Variants in ATL1 observed in about 807,000 individuals in gnomAD.
The protein encoded by ATL1 is atlastin-1.
ATL1 carries 31 observed loss-of-function variants against 75.5 expected under a neutral mutation model. That is an observed-to-expected ratio of 0.41 (90% confidence interval 0.31 to 0.55). The LOEUF is 0.55. Ranked by LOEUF, ATL1 falls within the 20% of genes least tolerant of loss-of-function variation. ATL1 has a pLI of 0.27. For missense variants in ATL1, 405 were observed against 662.6 expected (o/e 0.61, Z 4.27); for synonymous variants, 226 against 233.3 (o/e 0.97, Z 0.28).
At chr14:50,537,643 G>A (rs2140141538) in intron 1 of ATL1, among the ~76,000 whole-genome samples, 1 of 152,346 alleles carries the variant, frequency 6.6e-6, no homozygotes, top group South Asian at 2.1e-4. Flanking sequence ...AGCTGCCCAA[G>A]ACCATGGGAA....
chr14:50,588,527 C>T (rs992279139), intron 2 of ATL1, among the ~76,000 whole-genome samples: 1 of 152,176 alleles, frequency 6.6e-6, no homozygotes, highest in Non-Finnish European at 1.5e-5. Context: ...CCTGCTTTAT[C>T]ACTTATGACT....
chr14:50,597,226 A>AAAAAAAAAAG (rs1487140785), intron 6 of ATL1, among the ~76,000 whole-genome samples: 1 of 150,506 alleles, frequency 6.6e-6, no homozygotes, highest in Non-Finnish European at 1.5e-5. Flanking sequence ...CAAACAAAAA[A>AAAAAAAAAAG]AAAAAAAGAA....
intron 5 of ATL1, 48 bp downstream of exon 5, chr14:50,593,944 A>G: frequency 1.5e-6 from 2 of 1,330,454 alleles, no homozygotes; most frequent in Non-Finnish European, 2.2e-6. Flanking sequence ...TCTTTGAAAC[A>G]TGTATAGCAG....
At chr14:50,625,693 AG>A (rs1201666161) in intron 11 of ATL1, among the ~76,000 whole-genome samples, 3 of 152,134 alleles carry the variant, frequency 2.0e-5, no homozygotes, top group Non-Finnish European at 4.4e-5. Flanking sequence ...TGGGAGGCCG[AG>A]GTGGGTGGAT....
chr14:50,607,065 TC>T (rs1336264478), intron 6 of ATL1, among the ~76,000 whole-genome samples: 1 of 151,932 alleles, frequency 6.6e-6, no homozygotes, highest in African/African-American at 2.4e-5. Flanking sequence ...CAACAAGAGC[TC>T]AATGAAGCAA....
At chr14:50,625,707 C>T (rs762634033) in intron 11 of ATL1, among the ~76,000 whole-genome samples, 9 of 151,974 alleles carry the variant, frequency 5.9e-5, no homozygotes, top group Non-Finnish European at 1.2e-4. Flanking sequence ...GGGTGGATCA[C>T]GAGGTCAGAT....
Position 50,594,385 on chromosome 14 carries a change from A to G in ATL1, c.573+489A>G, listed in dbSNP as rs201208104. The stretch of plus-strand genomic sequence containing the variant: ...TTTAAGATGAGATTTGGGCGGGGAC[A>G]CAAAGCCTAACCATATCAATAAGTA... On this transcript the variant is annotated intron_variant, in intron 5 of 13. Transcript: ENST00000358385. Among the ~76,000 whole-genome samples the G allele has an allele frequency of 5.3e-5, 8 of 152,350 alleles. No individual in the cohort carries two copies. The East Asian group carries it at 1.5e-3, about 29-fold the overall frequency.
At chr14:50,584,740 TAAA>T (rs1261612714) in intron 1 of ATL1, among the ~76,000 whole-genome samples, 1 of 150,946 alleles carries the variant, frequency 6.6e-6, no homozygotes, top group Non-Finnish European at 1.5e-5. Context: ...AAAAATAAAA[TAAA>T]ATAAAATAGA....
intron 1 of ATL1, among the ~76,000 whole-genome samples, chr14:50,583,912 T>C (rs911864232): frequency 1.8e-4 from 27 of 152,156 alleles, no homozygotes; most frequent in African/African-American, 6.5e-4. Context: ...TGTAAAACTC[T>C]TACTTATGAC....
At chr14:50,604,698 C>T (rs1595609408) in intron 6 of ATL1, among the ~76,000 whole-genome samples, 1 of 152,008 alleles carries the variant, frequency 6.6e-6, no homozygotes, top group Admixed American at 6.6e-5. Context: ...GGGCATGGCC[C>T]CTTCTTGAAC....
At chr14:50,618,407 C>A (rs2039434561) in intron 8 of ATL1, among the ~76,000 whole-genome samples, 2 of 151,938 alleles carry the variant, frequency 1.3e-5, no homozygotes, top group Admixed American at 1.3e-4. Flanking sequence ...ATATATAGTA[C>A]AAAGCAAAAT....
intron 1 of ATL1, among the ~76,000 whole-genome samples, chr14:50,561,637 A>G (rs2038846868): frequency 6.6e-6 from 1 of 152,158 alleles, no homozygotes; most frequent in Non-Finnish European, 1.5e-5. Flanking sequence ...GACAAGGTTT[A>G]CATTTGGGAG....
rs148203226 is a variant in ATL1 at position 50,628,100 on chromosome 14, G to C, written c.1189G>C (p.Glu397Gln). ...LQTKHLQLKE[E>Q]SVKLFRGVKK... ...GACCAAACACCTGCAACTTAAGGAA[G>C]AATCTGTGAAGCTATTCCGAGGGGT... Residue 397 changes from glutamate (E) to glutamine (Q), a missense_variant, in exon 12 of 14, where the codon GAA (glutamate) becomes CAA (glutamine). Physicochemically the swap from Glu to Gln is conservative, Grantham distance 29 (BLOSUM62 2). Around this residue, in one of 5 missense-constraint regions of ATL1, gnomAD observed 163 missense variants for 244.1 expected, o/e 0.67. Coordinates refer to ENST00000358385, the MANE Select transcript of ATL1 (RefSeq NM_015915.5). The C allele has an allele frequency of 6.2e-7, 1 of 1,614,184 alleles. No individual in the cohort carries two copies. The highest frequency in any genetic ancestry group is 8.5e-7 in the Non-Finnish European group (1 of 1,180,042).
intron 1 of ATL1, among the ~76,000 whole-genome samples, chr14:50,551,303 T>C (rs1252144563): frequency 6.6e-6 from 1 of 151,840 alleles, no homozygotes; most frequent in Non-Finnish European, 1.5e-5. Flanking sequence ...CCTGGAAATG[T>C]ACAACCCTCC....
At chr14:50,604,104 A>G (rs546021565) in intron 6 of ATL1, among the ~76,000 whole-genome samples, 1 of 152,306 alleles carries the variant, frequency 6.6e-6, no homozygotes, top group Non-Finnish European at 1.5e-5. Context: ...TAAAAAAACT[A>G]ATGTTACCGC....
chr14:50,559,137 G>C (rs1566713283), upstream of ATL1: 3 of 152,240 alleles, frequency 2.0e-5, no homozygotes, highest in Non-Finnish European at 4.4e-5. Context: ...GGTCCTGTCT[G>C]AAGCCATCAT....
intron 1 of ATL1, among the ~76,000 whole-genome samples, chr14:50,564,376 G>A (rs1317797771): frequency 1.3e-5 from 2 of 152,230 alleles, no homozygotes; most frequent in African/African-American, 2.4e-5. Context: ...TAGGCTGGGC[G>A]TGGTGGCTCA....
At chr14:50,536,436 C>CAAAA (rs34686813) in intron 1 of ATL1, among the ~76,000 whole-genome samples, 1 of 107,232 alleles carries the variant, frequency 9.3e-6, no homozygotes, top group East Asian at 2.8e-4. Flanking sequence ...AACTCTGTCT[C>CAAAA]AAAAAAAAAA....
chr14:50,610,138 A>C (rs1446476930), intron 6 of ATL1, among the ~76,000 whole-genome samples: 1 of 152,088 alleles, frequency 6.6e-6, no homozygotes, highest in African/African-American at 2.4e-5. Context: ...GGAAACAATA[A>C]ATGTAATAGA....
Sources: gnomAD v4.1 joint callset for allele counts (sites outside exome capture counted in the v4.1 genomes callset) on GRCh38, gnomAD v4.1.1 for gene constraint, gnomAD v4.1.1 regional missense constraint, MANE v1.5 for transcripts, NCBI Gene and HGNC (gene_info 2026-07-23, HGNC 2026-07-21) for gene names.